Variants in SPICE1 observed in about 807,000 individuals in gnomAD.
The protein encoded by SPICE1 is spindle and centriole associated protein 1, also known as spindle and centriole-associated protein 1.
A neutral mutation model predicts 102.7 loss-of-function variants in SPICE1; 75 were observed. That is an observed-to-expected ratio of 0.73 (90% CI 0.61 to 0.88). The LOEUF (loss-of-function observed/expected upper bound fraction) is 0.88, where lower values mean the gene tolerates loss of function less well. Ranked by LOEUF, SPICE1 falls within the 40% of genes least tolerant of loss-of-function variation. SPICE1 has a pLI of 0.00. For synonymous variants in SPICE1, 308 were observed against 350.3 expected, an observed-to-expected ratio of 0.88 and a Z score of 1.35; for missense variants, 979 against 1,020.1, an observed-to-expected ratio of 0.96 and a Z score of 0.55.
At chr3:113,498,183 AT>A (rs1164064263) in intron 4 of SPICE1, among the ~76,000 whole-genome samples, 2 of 151,982 alleles carry the variant, frequency 1.3e-5, no homozygotes, top group African/African-American at 2.4e-5. Context: ...GCTGTTATAT[AT>A]TTTTTTAATG....
intron 6 of SPICE1, among the ~76,000 whole-genome samples, chr3:113,490,830 C>T (rs138307480): frequency 6.6e-6 from 1 of 152,164 alleles, no homozygotes; most frequent in Admixed American, 6.5e-5. Context: ...CCTGTCCTAT[C>T]GGCCACCGAA....
rs757461643 is a variant in SPICE1 at position 113,450,479 on chromosome 3, A to G, written c.2180T>C (p.Met727Thr). 3.7e-6 allele frequency: 6 copies of G among 1,613,428 alleles called. No homozygotes were observed. In the South Asian group the frequency reaches 4.4e-5, roughly 12 times the overall value. Residue 727 changes from methionine (M) to threonine (T), a missense_variant, in exon 15 of 18, where the codon ATG becomes ACG. By Grantham distance (81) the Met-to-Thr change is moderately conservative. Transcript: ENST00000295872. ...ATTCAATTCTGCAATCCGTTCCTCC[A>G]TACTACCTGGTGTTAGAGACTGTGC... is the stretch of plus-strand genomic sequence containing the variant. ...PVAQSLTPGS[M>T]EERIAELNRQ...
At chr3:113,503,422 A>T (rs1243242695) in intron 2 of SPICE1, among the ~76,000 whole-genome samples, 195 bp from the exon 3 acceptor site, 1 of 152,162 alleles carries the variant, frequency 6.6e-6, no homozygotes, top group African/African-American at 2.4e-5. Flanking sequence ...AAAATAACAG[A>T]CTAATTTTAG....
At chr3:113,464,536 T>A (rs1172729415) in intron 11 of SPICE1, among the ~76,000 whole-genome samples, 1 of 152,170 alleles carries the variant, frequency 6.6e-6, no homozygotes, top group African/African-American at 2.4e-5. Context: ...ATTAAAGGTG[T>A]GAGCCACTGC....
chr3:113,446,926 G>A (rs2129430), intron 16 of SPICE1, among the ~76,000 whole-genome samples: 5 of 151,892 alleles, frequency 3.3e-5, no homozygotes, highest in Non-Finnish European at 2.9e-5. Flanking sequence ...CCCAGAATTC[G>A]CCCATGTTGT....
In SPICE1 at chr3:113,499,527, A is replaced by C. The variant is rs745442787; in HGVS notation, c.203T>G (p.Leu68Arg). ...TTTTCTCTTCAAAGCTTTTTCTTGG[A>C]GTTCCCAGTGTACTAATGCTCTATT... is the stretch of plus-strand genomic sequence containing the variant. ...SKNRALVHWE[L>R]QEKALKRKWR... The change falls in exon 4 of 18, where the codon CTC (leucine) becomes CGC (arginine). Residue 68 changes from leucine (L) to arginine (R), a missense_variant. By Grantham distance (102) the Leu-to-Arg change is moderately radical. Transcript: ENST00000295872. 3 of 1,613,188 alleles carry C rather than the reference A, an allele frequency of 1.9e-6. No individual in the cohort carries two copies. The highest frequency in any genetic ancestry group is 2.5e-6 in the Non-Finnish European group (3 of 1,179,734).
intron 4 of SPICE1, among the ~76,000 whole-genome samples, chr3:113,498,306 C>T (rs967974748): frequency 2.0e-5 from 3 of 152,172 alleles, no homozygotes; most frequent in African/African-American, 7.2e-5. Flanking sequence ...CACTCATCGT[C>T]TCTCACCACC....
At chr3:113,459,210 T>C (rs1935864893) in intron 12 of SPICE1, among the ~76,000 whole-genome samples, 1 of 152,174 alleles carries the variant, frequency 6.6e-6, no homozygotes, top group Non-Finnish European at 1.5e-5. Flanking sequence ...AACAGATGCT[T>C]GAAAGCAGCA....
At position 113,468,297 on chromosome 3, in the gene SPICE1, C is replaced by T. The variant is rs151021260; in HGVS notation, c.997G>A (p.Val333Ile). The T allele has an allele frequency of 1.3e-4, 217 of 1,614,018 alleles. No individual in the cohort carries two copies. Among genetic ancestry groups the T allele is most frequent in the Non-Finnish European group, 1.7e-4 (204 of 1,180,044 alleles). Residue 333 changes from valine to isoleucine, a missense_variant, in exon 10 of 18, where the codon GTC becomes ATC. By Grantham distance (29) the Val-to-Ile change is conservative (BLOSUM62 3). Transcript: ENST00000295872. ...ACTTCATGTATCATGTGTTTGAGGA[C>T]ATCCAGGTTGGAATTAGTCCTATTT... ...LPNRTNSNLD[V>I]LKHMIHEVEH...
chr3:113,455,356 T>C (rs995280360), intron 13 of SPICE1, among the ~76,000 whole-genome samples: 1 of 152,068 alleles, frequency 6.6e-6, no homozygotes, highest in Non-Finnish European at 1.5e-5. Flanking sequence ...TAGAGGAAAA[T>C]ATTTATGATG....
chr3:113,448,927 T>C (rs1015788935), intron 15 of SPICE1: 2 of 152,180 alleles, frequency 1.3e-5, no homozygotes, highest in Non-Finnish European at 2.9e-5. Context: ...AAAAGAATAC[T>C]TTAGAGATAA....
intron 7 of SPICE1, among the ~76,000 whole-genome samples, chr3:113,488,091 T>C (rs1469113257): frequency 6.6e-6 from 1 of 152,074 alleles, no homozygotes; most frequent in African/African-American, 2.4e-5. Flanking sequence ...TCTTCAATCA[T>C]CCAAAAAACA....
Position 113,499,544 on chromosome 3 carries a change from T to C in SPICE1, c.186A>G (p.Ala62=), listed in dbSNP as rs150851508. ...RHEIHKSKNR[A]LVHWELQEKA... is the part of the protein sequence containing the mutation. ...TTTCTTGGAGTTCCCAGTGTACTAATGCTCTATTCTTCGATTTGTGTATTT... is the reference window on the plus strand; with the variant it reads ...TTTCTTGGAGTTCCCAGTGTACTAACGCTCTATTCTTCGATTTGTGTATTT... Residue 62 remains alanine (A), a synonymous_variant, in exon 4 of 18, where the codon GCA becomes GCG. Coordinates refer to ENST00000295872, the MANE Select transcript of SPICE1 (RefSeq NM_144718.4). 19 of 1,612,500 alleles carry C rather than the reference T, an allele frequency of 1.2e-5. No individual in the cohort carries two copies. Among genetic ancestry groups the C allele is most frequent in the Admixed American group, 1.7e-5 (1 of 59,736 alleles).
chr3:113,453,728 G>A lies in SPICE1; in HGVS notation c.1880C>T (p.Pro627Leu). 2 of 1,614,122 alleles carry A rather than the reference G, an allele frequency of 1.2e-6. No individual in the cohort carries two copies. Among genetic ancestry groups the A allele is most frequent in the Admixed American group, 1.7e-5 (1 of 60,034 alleles). The change falls in exon 14 of 18, where the codon CCC (proline) becomes CTC (leucine). Residue 627 changes from proline to leucine, a missense_variant. Pro to Leu is a moderately conservative substitution (Grantham distance 98). Transcript: ENST00000295872. ...TQAPFVNLSQ[P>L]LCNSHSNTQQ... ...AGTGTTGGAATGGGAATTGCAGAGG[G>A]GCTGTGAGAGGTTAACAAAAGGAGC...
At chr3:113,490,450 T>G (rs947752693) in intron 6 of SPICE1, among the ~76,000 whole-genome samples, 4 of 152,058 alleles carry the variant, frequency 2.6e-5, no homozygotes, top group African/African-American at 9.7e-5. Flanking sequence ...GAGACCAGCT[T>G]GGGCAACGTG....
intron 3 of SPICE1, among the ~76,000 whole-genome samples, chr3:113,501,863 T>A (rs1031477960): frequency 6.6e-6 from 1 of 152,198 alleles, no homozygotes; most frequent in Admixed American, 6.5e-5. Flanking sequence ...AAGTTAAATA[T>A]GGAGAAATTA....
chr3:113,479,724 A>C (rs1298946646), intron 7 of SPICE1, among the ~76,000 whole-genome samples: 1 of 152,216 alleles, frequency 6.6e-6, no homozygotes, highest in Non-Finnish European at 1.5e-5. Context: ...AAAACACTAC[A>C]TACCAGAATG....
chr3:113,447,898 A>G, intron 16 of SPICE1, 140 bp downstream of exon 16: 1 of 689,602 alleles, frequency 1.5e-6, no homozygotes, highest in African/African-American at 1.8e-5. Flanking sequence ...TCTCTTTTCC[A>G]ATTATTTTAC....
intron 15 of SPICE1, 147 bp from the exon 16 acceptor site, chr3:113,448,287 C>T: frequency 1.1e-5 from 5 of 473,462 alleles, no homozygotes; most frequent in Non-Finnish European, 1.7e-5. Context: ...ACTTGAAAGA[C>T]TTTTTTTTTT....
Sources: gnomAD v4.1 joint callset for allele counts (sites outside exome capture counted in the v4.1 genomes callset) on GRCh38, gnomAD v4.1.1 for gene constraint, MANE v1.5 for transcripts, NCBI Gene and HGNC (gene_info 2026-07-23, HGNC 2026-07-21) for gene names.